UHRF2: variants seen among roughly 807,000 people sequenced by gnomAD.
UHRF2 encodes the protein ubiquitin like with PHD and ring finger domains 2, also known as E3 ubiquitin-protein ligase UHRF2.
UHRF2 carries 23 observed loss-of-function variants against 96.8 expected under a neutral mutation model. The observed-to-expected ratio is 0.24, with a 90% CI of 0.17 to 0.34. UHRF2 has a LOEUF of 0.34. UHRF2 is among the 10% of genes least tolerant of loss of function. UHRF2 has a pLI of 1.00. For synonymous variants in UHRF2, 385 were observed against 332.6 expected, an observed-to-expected ratio of 1.16 and a Z score of -1.72; for missense variants, 685 against 981.5, an observed-to-expected ratio of 0.70 and a Z score of 4.04.
At chr9:6,449,766 G>C (rs1046846911) in intron 3 of UHRF2, among the ~76,000 whole-genome samples, 1 of 152,192 alleles carries the variant, frequency 6.6e-6, no homozygotes, top group East Asian at 1.9e-4. Flanking sequence ...TGGAATTCTG[G>C]TATGTGCTAG....
At chr9:6,430,633 C>T (rs1291460948) in intron 2 of UHRF2, among the ~76,000 whole-genome samples, 1 of 152,096 alleles carries the variant, frequency 6.6e-6, no homozygotes, top group Non-Finnish European at 1.5e-5. Flanking sequence ...AACACCAAGC[C>T]AATATTCCGC....
At chr9:6,477,574 A>G (rs1554632134) in intron 5 of UHRF2, 48 bp from the exon 6 acceptor site, 3 of 1,501,590 alleles carry the variant, frequency 2.0e-6, no homozygotes, top group South Asian at 1.3e-5. Flanking sequence ...ATTCATAGAT[A>G]TAAAAAATGT....
At chr9:6,472,046 C>T (rs1823271966) in intron 4 of UHRF2, among the ~76,000 whole-genome samples, 2 of 152,154 alleles carry the variant, frequency 1.3e-5, no homozygotes, top group Non-Finnish European at 2.9e-5. Context: ...ATACAGTGAA[C>T]ATTGACAAAT....
At chr9:6,476,748 C>T (rs1333325893) in intron 5 of UHRF2, among the ~76,000 whole-genome samples, 1 of 152,054 alleles carries the variant, frequency 6.6e-6, no homozygotes, top group Non-Finnish European at 1.5e-5. Context: ...GCACCCACCA[C>T]CATGCCTGGC....
intron 10 of UHRF2, chr9:6,494,388 A>T (rs1245017048): frequency 2.0e-5 from 3 of 153,500 alleles, no homozygotes; most frequent in African/African-American, 7.2e-5. Flanking sequence ...TACTTTTAGA[A>T]TGTCTGCTAA....
chr9:6,424,915 T>C (rs957498250), intron 2 of UHRF2, among the ~76,000 whole-genome samples: 2 of 152,158 alleles, frequency 1.3e-5, no homozygotes, highest in African/African-American at 4.8e-5. Flanking sequence ...CGCAGAGGTA[T>C]TTTCATCACG....
chr9:6,452,133 T>A (rs1821911325), intron 3 of UHRF2, among the ~76,000 whole-genome samples: 1 of 152,174 alleles, frequency 6.6e-6, no homozygotes, highest in African/African-American at 2.4e-5. Flanking sequence ...AGTATGTTTC[T>A]CATTTCTTTT....
intron 5 of UHRF2, 95 bp from the exon 6 acceptor site, chr9:6,477,527 A>C (rs1823655452): frequency 1.1e-5 from 13 of 1,140,094 alleles, no homozygotes; most frequent in Admixed American, 2.9e-5. Flanking sequence ...ACTCCATTTC[A>C]AAAAAAATGC....
In UHRF2 at chr9:6,475,429, C is replaced by T. The variant is rs1226112245; in HGVS notation, c.902C>T (p.Ser301Phe). The T allele has an allele frequency of 6.3e-7, 1 of 1,585,964 alleles. No homozygotes were observed. The highest frequency in any genetic ancestry group is 1.4e-5 in the African/African-American group (1 of 73,886). Reference protein sequence around the residue: ...EGTLNDCKIISVDEIFKIERP... With the variant: ...EGTLNDCKIIFVDEIFKIERP... The stretch of plus-strand genomic sequence containing the variant: ...ACATTAAATGACTGCAAGATAATAT[C>T]TGTAGATGAAATCTTCAAGATTGAG... Residue 301 changes from serine (S) to phenylalanine (F), a missense_variant, in exon 5 of 16, where the codon TCT becomes TTT. By Grantham distance (155) the Ser-to-Phe change is radical. Transcript: ENST00000276893.
Position 6,477,557 on chromosome 9 carries a change from T to A in UHRF2, c.974-65T>A, listed in dbSNP as rs1188411548. On this transcript the variant is annotated intron_variant, in intron 5 of 15. Transcript: ENST00000276893. ...AAATGCTGTTTCCATGGGCTTTTCTTTATGAGATTCATAGATATAAAAAAT... is the reference window on the plus strand; with the variant it reads ...AAATGCTGTTTCCATGGGCTTTTCTATATGAGATTCATAGATATAAAAAAT... 3.5e-6 allele frequency: 5 copies of A among 1,440,220 alleles called. No individual in the cohort carries two copies. In the African/African-American group the frequency reaches 7.1e-5, roughly 21 times the overall value. The allele number at this position is 1,440,220 out of a possible 1,614,324, so 89.2% of individuals were successfully genotyped here. A position where few individuals can be genotyped will look rare whatever the true frequency, so the allele number is the denominator to read the frequency against.
chr9:6,506,047 C>T lies in UHRF2; in HGVS notation c.2277C>T (p.Arg759=). 6.2e-7 allele frequency: 1 copy of T among 1,614,124 alleles called. No individual in the cohort carries two copies. Among genetic ancestry groups the T allele is most frequent in the Admixed American group, 1.7e-5 (1 of 60,012 alleles). ...TTTTACCATAGGATTGCCTACAGCGCTCCTTTAAGGCACAGGTTTTCTCCT... is the reference window on the plus strand; with the variant it reads ...TTTTACCATAGGATTGCCTACAGCGTTCCTTTAAGGCACAGGTTTTCTCCT... The part of the protein sequence containing the change: ...FHNVCKDCLQ[R]SFKAQVFSCP... Residue 759 remains arginine, a synonymous_variant, in exon 16 of 16, where the codon CGC becomes CGT. Transcript: ENST00000276893.
chr9:6,485,763 A>T (rs968857317), intron 8 of UHRF2, among the ~76,000 whole-genome samples: 14 of 146,656 alleles, frequency 9.5e-5, no homozygotes, highest in Non-Finnish European at 1.9e-4. Flanking sequence ...CAGGAGTTCA[A>T]GACCAGCCTG....
At chr9:6,461,732 G>A (rs1822555768) in intron 4 of UHRF2, among the ~76,000 whole-genome samples, 1 of 151,914 alleles carries the variant, frequency 6.6e-6, no homozygotes, top group Non-Finnish European at 1.5e-5. Flanking sequence ...AAAGTACTAG[G>A]CGTTATTTGA....
chr9:6,477,700 G>A lies in UHRF2; in HGVS notation c.1052G>A (p.Gly351Asp). 6.2e-7 allele frequency: 1 copy of A among 1,614,114 alleles called. No homozygotes were observed. The highest frequency in any genetic ancestry group is 8.5e-7 in the Non-Finnish European group (1 of 1,180,008). ...CATTCTTGCTCCTGTCGTGTATGTG[G>A]TGGGAAACATGAACCCAACATGCAG... ...KCHSCSCRVC[G>D]GKHEPNMQLL... is the part of the protein sequence containing the mutation. The change falls in exon 6 of 16, where the codon GGT becomes GAT. Residue 351 changes from glycine to aspartate, a missense_variant. By Grantham distance (94) the Gly-to-Asp change is moderately conservative. Transcript: ENST00000276893.
chr9:6,448,608 A>ATT (rs778665567), intron 3 of UHRF2, among the ~76,000 whole-genome samples: 10 of 152,214 alleles, frequency 6.6e-5, no homozygotes, highest in African/African-American at 7.2e-5. Flanking sequence ...GCTGTGTGTT[A>ATT]GTAATTATAA....
chr9:6,437,191 A>C (rs922853932), intron 3 of UHRF2, among the ~76,000 whole-genome samples: 3 of 152,202 alleles, frequency 2.0e-5, no homozygotes, highest in African/African-American at 7.2e-5. Context: ...GCATTGAAGA[A>C]AGCTGGTATA....
At chr9:6,433,885 T>G (rs1015775894) in intron 2 of UHRF2, 29 bp from the exon 3 acceptor site, 27 of 1,588,342 alleles carry the variant, frequency 1.7e-5, no homozygotes, top group Non-Finnish European at 2.3e-5. Flanking sequence ...AAAATTAAGC[T>G]TCATTAACTG....
intron 3 of UHRF2, among the ~76,000 whole-genome samples, chr9:6,447,015 A>G (rs1418081298): frequency 1.3e-5 from 2 of 151,306 alleles, no homozygotes; most frequent in Non-Finnish European, 2.9e-5. Context: ...CAGCCTCCCA[A>G]GTAGCTGGGA....
intron 9 of UHRF2, among the ~76,000 whole-genome samples, chr9:6,491,382 TCTC>T (rs1422059683): frequency 1.3e-5 from 2 of 152,188 alleles, no homozygotes; most frequent in Non-Finnish European, 2.9e-5. Flanking sequence ...GTAAAATGCT[TCTC>T]CTAACACCAC....
Sources: allele counts gnomAD v4.1 joint callset (sites outside exome capture counted in the v4.1 genomes callset), GRCh38; gene constraint gnomAD v4.1.1; transcripts MANE v1.5; gene names NCBI Gene and HGNC (gene_info 2026-07-23, HGNC 2026-07-21).